The following FILIP1L variants were observed in gnomAD, a reference collection of about 807,000 sequenced individuals.
FILIP1L encodes the protein filamin A-interacting protein 1-like.
In FILIP1L, 55 loss-of-function variants were observed where a neutral mutation model predicts 96.6. The observed-to-expected ratio is 0.57, with a 90% CI of 0.46 to 0.71. FILIP1L has a LOEUF of 0.71. Among genes scored for constraint, FILIP1L ranks in the 30% least tolerant of loss-of-function variants. FILIP1L has a pLI of 0.00. For missense variants in FILIP1L, 1,304 were observed against 1,321.2 expected (o/e 0.99, Z 0.20); for synonymous variants, 467 against 473.9 (o/e 0.99, Z 0.19).
At chr3:99,866,924 A>AT (rs1944549801) in intron 4 of FILIP1L, among the ~76,000 whole-genome samples, 1 of 152,142 alleles carries the variant, frequency 6.6e-6, no homozygotes, top group Admixed American at 6.5e-5. Flanking sequence ...AATTAAAATT[A>AT]TTTTGGTTAT....
intron 1 of FILIP1L, among the ~76,000 whole-genome samples, chr3:99,970,795 C>T (rs1708790938): frequency 6.6e-6 from 1 of 152,176 alleles, no homozygotes; most frequent in Non-Finnish European, 1.5e-5. Flanking sequence ...AAACATTATA[C>T]TATCTGCTAC....
At chr3:100,109,913 C>CA (rs1230326728) in intron 1 of FILIP1L, 1 of 123,174 alleles carries the variant, frequency 8.1e-6, no homozygotes, top group African/African-American at 3.0e-5. Context: ...ACCCCCCCCC[C>CA]CCAGCACCAC....
intron 1 of FILIP1L, among the ~76,000 whole-genome samples, chr3:99,951,649 C>G (rs1708180769): frequency 6.6e-6 from 1 of 152,220 alleles, no homozygotes; most frequent in African/African-American, 2.4e-5. Flanking sequence ...CACATATACA[C>G]AGTCCCCACT....
intron 4 of FILIP1L, among the ~76,000 whole-genome samples, chr3:99,873,872 A>G (rs35098023): frequency 0.053 from 8,134 of 152,298 alleles, 316 homozygotes; most frequent in Middle Eastern, 0.085. Context: ...TAATCACCAC[A>G]AAAGTGCAAA....
chr3:99,946,203 A>G (rs189361037), intron 1 of FILIP1L, among the ~76,000 whole-genome samples: 49 of 152,354 alleles, frequency 3.2e-4, no homozygotes, highest in African/African-American at 1.2e-3. Context: ...GGGTATGTCT[A>G]TTACATCTTC....
At chr3:99,928,547 A>G (rs1339497234) in intron 3 of FILIP1L, among the ~76,000 whole-genome samples, 1 of 152,204 alleles carries the variant, frequency 6.6e-6, no homozygotes, top group Non-Finnish European at 1.5e-5. Flanking sequence ...AAGCATTTGT[A>G]GAAGGGGGGT....
At chr3:99,954,878 TA>T (rs1249859139) in intron 1 of FILIP1L, among the ~76,000 whole-genome samples, 1 of 151,118 alleles carries the variant, frequency 6.6e-6, no homozygotes, top group East Asian at 1.9e-4. Context: ...ATTGTTAGGG[TA>T]AAATGAAATA....
chr3:99,912,944 C>T (rs1343621785), intron 4 of FILIP1L, among the ~76,000 whole-genome samples: 1 of 152,104 alleles, frequency 6.6e-6, no homozygotes, highest in Non-Finnish European at 1.5e-5. Context: ...ATGTTGAAAT[C>T]ATAACTCCCA....
intron 1 of FILIP1L, among the ~76,000 whole-genome samples, chr3:99,980,960 A>G (rs1373375136): frequency 6.6e-6 from 1 of 152,184 alleles, no homozygotes; most frequent in African/African-American, 2.4e-5. Context: ...ATTGGGACCC[A>G]TTTAACCAAA....
chr3:99,877,553 T>C (rs1705575446), intron 4 of FILIP1L, among the ~76,000 whole-genome samples: 1 of 152,110 alleles, frequency 6.6e-6, no homozygotes, highest in South Asian at 2.1e-4. Flanking sequence ...ATATACAGTA[T>C]ACTAAGAGAT....
At chr3:100,010,480 G>A (rs964538272) in intron 1 of FILIP1L, among the ~76,000 whole-genome samples, 18 of 152,184 alleles carry the variant, frequency 1.2e-4, no homozygotes, top group African/African-American at 4.3e-4. Flanking sequence ...ATTTAGAAAG[G>A]ACCATGCTTA....
At chr3:100,032,626 G>C (rs548498416) in intron 1 of FILIP1L, among the ~76,000 whole-genome samples, 1 of 152,132 alleles carries the variant, frequency 6.6e-6, no homozygotes, top group South Asian at 2.1e-4. Flanking sequence ...TGACATAAAG[G>C]CTATATTGAC....
At chr3:100,094,940 G>A (rs1010875645) in intron 1 of FILIP1L, among the ~76,000 whole-genome samples, 6 of 151,786 alleles carry the variant, frequency 4.0e-5, no homozygotes, top group Admixed American at 6.6e-5. Flanking sequence ...CACCCGCCTC[G>A]GCCTCCCAAA....
intron 4 of FILIP1L, among the ~76,000 whole-genome samples, chr3:99,912,190 T>C: frequency 6.6e-6 from 1 of 152,206 alleles, no homozygotes; most frequent in East Asian, 1.9e-4. Context: ...CTGATACATG[T>C]TACAACATGT....
intron 1 of FILIP1L, among the ~76,000 whole-genome samples, chr3:100,030,530 A>G (rs900978956): frequency 2.0e-5 from 3 of 152,328 alleles, no homozygotes; most frequent in East Asian, 1.9e-4. Flanking sequence ...GTCTTTTCTC[A>G]GAACCTGTTT....
At position 99,879,345 on chromosome 3, in the gene FILIP1L, G is replaced by A. The variant is rs13323384; in HGVS notation, c.606-28275C>T. Among the ~76,000 whole-genome samples the A allele has an allele frequency of 5.1e-3, 770 of 152,322 alleles. 6 individuals are homozygous for A. Among genetic ancestry groups the A allele is most frequent in the African/African-American group, 0.017 (725 of 41,578 alleles). The stretch of plus-strand genomic sequence containing the variant: ...CCAGTTTCCCTGGTTCGAGCTAATT[G>A]TCAGGAGGCCATGACAATGACCACA... On this transcript the variant is annotated intron_variant, in intron 4 of 5. Coordinates refer to ENST00000477258, the MANE Select transcript of FILIP1L (RefSeq NM_001387850.1).
chr3:100,014,174 A>G (rs1220251970), intron 1 of FILIP1L, among the ~76,000 whole-genome samples: 1 of 151,022 alleles, frequency 6.6e-6, no homozygotes, highest in South Asian at 2.1e-4. Flanking sequence ...AACCCTGAAT[A>G]GTAGTATTAC....
intron 1 of FILIP1L, among the ~76,000 whole-genome samples, chr3:99,975,280 C>T (rs140821451): frequency 6.8e-4 from 103 of 152,302 alleles, no homozygotes; most frequent in Non-Finnish European, 1.2e-3. Flanking sequence ...GTTCGAGGAA[C>T]TGTTGTAAGT....
chr3:99,916,437 T>TACACACACACACACAC (rs10529210), intron 4 of FILIP1L, among the ~76,000 whole-genome samples: 65 of 137,176 alleles, frequency 4.7e-4, no homozygotes, highest in African/African-American at 1.8e-3. Flanking sequence ...TAACGGTTTA[T>TACACACACACACACAC]ACACACACAC....
Sources: allele counts gnomAD v4.1 joint callset (sites outside exome capture counted in the v4.1 genomes callset), GRCh38; gene constraint gnomAD v4.1.1; transcripts MANE v1.5; gene names NCBI Gene and HGNC (gene_info 2026-07-23, HGNC 2026-07-21).